TNFAIP8: variants seen among roughly 807,000 people sequenced by gnomAD.
TNFAIP8 encodes tumor necrosis factor alpha-induced protein 8.
Under a neutral mutation model 13.3 loss-of-function variants are expected in TNFAIP8, and 7 were observed. The observed-to-expected ratio is 0.52, with a 90% CI of 0.30 to 0.99. The LOEUF is 0.99. Among genes scored for constraint, TNFAIP8 ranks in the 50% least tolerant of loss-of-function variants. The pLI is 0.07. For missense variants in TNFAIP8, 258 were observed against 236.9 expected, an observed-to-expected ratio of 1.09 and a Z score of -0.58; for synonymous variants, 94 against 87.6, an observed-to-expected ratio of 1.07 and a Z score of -0.41.
At chr5:119,302,264 T>A (rs1254172943) in intron 1 of TNFAIP8, among the ~76,000 whole-genome samples, 2 of 152,212 alleles carry the variant, frequency 1.3e-5, no homozygotes, top group African/African-American at 4.8e-5. Context: ...ATAGAAGATC[T>A]GTGCTCTCAA....
intron 1 of TNFAIP8, among the ~76,000 whole-genome samples, chr5:119,284,205 G>T (rs1233593585): frequency 6.6e-6 from 1 of 152,266 alleles, no homozygotes; most frequent in South Asian, 2.1e-4. Context: ...TTCAAATCCG[G>T]TGGTTTCTAA....
intron 1 of TNFAIP8, among the ~76,000 whole-genome samples, chr5:119,339,457 G>GTTTT (rs397884992): frequency 1.7e-5 from 2 of 116,206 alleles, no homozygotes; most frequent in Non-Finnish European, 3.6e-5. Flanking sequence ...CTCTTGTGGT[G>GTTTT]TTTTTTTTTT....
chr5:119,342,856 G>T (rs1562008914), intron 1 of TNFAIP8, among the ~76,000 whole-genome samples: 1 of 152,148 alleles, frequency 6.6e-6, no homozygotes, highest in South Asian at 2.1e-4. Flanking sequence ...ACTCCTAGGA[G>T]ACTTGCTTAA....
chr5:119,306,589 TC>T (rs1749573862), intron 1 of TNFAIP8: 1 of 152,222 alleles, frequency 6.6e-6, no homozygotes, highest in Admixed American at 6.5e-5. Context: ...TGTCTTGGCC[TC>T]CCAAGTAGCT....
At position 119,398,097 on chromosome 5, in the gene TNFAIP8, G is replaced by A. The variant is rs1229809172; in HGVS notation, c.*4716G>A. ...TCAAGGATAGAGAATTGTGCCCTAT[G>A]TCCACCAAATTTGCATGAGATCTTT... is the stretch of plus-strand genomic sequence containing the variant. On this transcript the variant is annotated 3_prime_UTR_variant, in exon 2 of 2. Coordinates refer to ENST00000504771, the MANE Select transcript of TNFAIP8 (RefSeq NM_014350.4). 6.6e-6 allele frequency: 1 copy of A among 152,190 alleles called. No homozygotes were observed. The highest frequency in any genetic ancestry group is 2.4e-5 in the African/African-American group (1 of 41,448). The allele number at this position is 152,190 out of a possible 1,614,324, so 9.4% of individuals were successfully genotyped here. A position where few individuals can be genotyped will look rare whatever the true frequency, so the allele number is the denominator to read the frequency against.
intron 1 of TNFAIP8, among the ~76,000 whole-genome samples, chr5:119,279,205 G>T (rs1237665603): frequency 6.6e-6 from 1 of 152,218 alleles, no homozygotes; most frequent in Non-Finnish European, 1.5e-5. Context: ...GTAACATGCT[G>T]TGAATGCCTG....
intron 1 of TNFAIP8, among the ~76,000 whole-genome samples, chr5:119,320,537 T>A (rs948660724): frequency 2.2e-4 from 33 of 152,086 alleles, no homozygotes; most frequent in Non-Finnish European, 7.4e-5. Context: ...CCCTCCCCAC[T>A]CCACTACTCC....
At chr5:119,377,484 C>G (rs1752327938) in intron 1 of TNFAIP8, among the ~76,000 whole-genome samples, 1 of 152,060 alleles carries the variant, frequency 6.6e-6, no homozygotes, top group South Asian at 2.1e-4. Flanking sequence ...TGCCATAAGG[C>G]TCTTGACTGT....
chr5:119,293,420 A>G (rs1749059077), intron 1 of TNFAIP8, among the ~76,000 whole-genome samples: 1 of 152,064 alleles, frequency 6.6e-6, no homozygotes, highest in African/African-American at 2.4e-5. Flanking sequence ...CTTTTTTACT[A>G]CACATACGAG....
intron 1 of TNFAIP8, among the ~76,000 whole-genome samples, chr5:119,346,359 A>T (rs1002702499): frequency 6.6e-6 from 1 of 152,176 alleles, no homozygotes; most frequent in East Asian, 1.9e-4. Context: ...CTGCAGAAAG[A>T]GTGTACCGGA....
intron 1 of TNFAIP8, among the ~76,000 whole-genome samples, chr5:119,299,707 C>T (rs982132613): frequency 5.9e-5 from 9 of 152,194 alleles, no homozygotes; most frequent in Non-Finnish European, 1.5e-5. Context: ...GCCCTGCCCC[C>T]AGAGGTGGAG....
chr5:119,358,688 C>T (rs1295452977), intron 1 of TNFAIP8, among the ~76,000 whole-genome samples: 1 of 152,122 alleles, frequency 6.6e-6, no homozygotes, highest in African/African-American at 2.4e-5. Flanking sequence ...AGGCTGATAG[C>T]CGTGTATTTG....
chr5:119,313,234 C>T (rs907213643), intron 1 of TNFAIP8, among the ~76,000 whole-genome samples: 1 of 152,192 alleles, frequency 6.6e-6, no homozygotes, highest in Non-Finnish European at 1.5e-5. Flanking sequence ...TTCAAGACTA[C>T]TTAACAGCTC....
chr5:119,296,054 C>T (rs2112640457), intron 1 of TNFAIP8, among the ~76,000 whole-genome samples: 1 of 149,886 alleles, frequency 6.7e-6, no homozygotes, highest in Non-Finnish European at 1.5e-5. Context: ...TCTAGATATA[C>T]AATCATGTCA....
intron 1 of TNFAIP8, among the ~76,000 whole-genome samples, chr5:119,327,648 G>A (rs1286063545): frequency 6.6e-6 from 1 of 151,982 alleles, no homozygotes; most frequent in African/African-American, 2.4e-5. Flanking sequence ...TAGTAGATAC[G>A]GGGTTTCACC....
chr5:119,290,327 C>T (rs1329621243), intron 1 of TNFAIP8, among the ~76,000 whole-genome samples: 1 of 152,196 alleles, frequency 6.6e-6, no homozygotes, highest in Non-Finnish European at 1.5e-5. Context: ...GTGAGCTGGC[C>T]AGGTCAACAG....
At chr5:119,338,195 C>G (rs897459299) in intron 1 of TNFAIP8, among the ~76,000 whole-genome samples, 35 of 150,656 alleles carry the variant, frequency 2.3e-4, no homozygotes, top group African/African-American at 8.7e-4. Context: ...CACACACACA[C>G]ACACACACAC....
upstream of TNFAIP8, among the ~76,000 whole-genome samples, chr5:119,353,637 T>C (rs986640253): frequency 8.2e-6 from 1 of 121,364 alleles, no homozygotes; most frequent in Non-Finnish European, 1.8e-5. Context: ...CTAACATGAA[T>C]CTAAAATGAA....
chr5:119,304,239 C>T (rs149149701), intron 1 of TNFAIP8, among the ~76,000 whole-genome samples: 294 of 152,270 alleles, frequency 1.9e-3, no homozygotes, highest in Non-Finnish European at 3.6e-3. Flanking sequence ...CTGCCGCAGC[C>T]TCCTGTGTAG....
Sources: gnomAD v4.1 joint callset for allele counts (sites outside exome capture counted in the v4.1 genomes callset) on GRCh38, gnomAD v4.1.1 for gene constraint, MANE v1.5 for transcripts, NCBI Gene and HGNC (gene_info 2026-07-23, HGNC 2026-07-21) for gene names.